DPY19L4: variants seen among roughly 807,000 people sequenced by gnomAD.
The protein encoded by DPY19L4 is dpy-19 like 4.
A neutral mutation model predicts 102.8 loss-of-function variants in DPY19L4; 97 were observed. The ratio of observed to expected loss-of-function variants is 0.94; its 90% CI spans 0.80 to 1.12. The LOEUF (loss-of-function observed/expected upper bound fraction) is 1.12, where lower values mean the gene tolerates loss of function less well. Ranked by LOEUF, DPY19L4 falls within the 50% of genes most tolerant of loss-of-function variation. DPY19L4 has a pLI of 0.00. For missense variants in DPY19L4, 815 were observed against 850.4 expected (o/e 0.96, Z 0.52); for synonymous variants, 252 against 283.1 (o/e 0.89, Z 1.10).
chr8:94,731,884 C>T (rs1810973149), intron 2 of DPY19L4, among the ~76,000 whole-genome samples: 1 of 152,190 alleles, frequency 6.6e-6, no homozygotes. Context: ...TCTCCCGCCT[C>T]AGCCTCCCGA....
rs747982966 is a variant in DPY19L4 at position 94,768,605 on chromosome 8, A to G, written c.1334+52A>G. Reference sequence around the variant, plus strand: ...TTACTAACATAAATTATGGAAATATATAAAATACTTATTTTTAATATTCTT... The same window carrying G: ...TTACTAACATAAATTATGGAAATATGTAAAATACTTATTTTTAATATTCTT... On this transcript the variant is annotated intron_variant, in intron 12 of 18. Coordinates refer to ENST00000414645, the MANE Select transcript of DPY19L4 (RefSeq NM_181787.3). 9 of 1,035,242 alleles carry G rather than the reference A, an allele frequency of 8.7e-6. No homozygotes were observed. The Admixed American group carries it at 1.8e-4, about 20-fold the overall frequency. The allele number at this position is 1,035,242 out of a possible 1,614,324, so 64.1% of individuals were successfully genotyped here. A position where few individuals can be genotyped will look rare whatever the true frequency, so the allele number is the denominator to read the frequency against.
chr8:94,750,752 A>G (rs1037420326), intron 6 of DPY19L4, among the ~76,000 whole-genome samples: 27 of 152,042 alleles, frequency 1.8e-4, no homozygotes, highest in African/African-American at 6.0e-4. Flanking sequence ...CACAATCAAT[A>G]TAATAAACAT....
chr8:94,727,648 C>CAG (rs1231088919), intron 2 of DPY19L4, among the ~76,000 whole-genome samples: 2 of 152,210 alleles, frequency 1.3e-5, no homozygotes, highest in Non-Finnish European at 2.9e-5. Flanking sequence ...TCCACTCCAA[C>CAG]AGAGTCACAC....
chr8:94,763,584 G>A (rs1342976157), intron 8 of DPY19L4, among the ~76,000 whole-genome samples: 5 of 149,712 alleles, frequency 3.3e-5, no homozygotes, highest in Non-Finnish European at 4.4e-5. Flanking sequence ...GCAGTGGTGC[G>A]ATCTCAGCTC....
chr8:94,766,231 T>A (rs1812665756), intron 10 of DPY19L4, among the ~76,000 whole-genome samples: 1 of 152,134 alleles, frequency 6.6e-6, no homozygotes, highest in African/African-American at 2.4e-5. Context: ...AAAAATTAGC[T>A]GGGCGTGGTG....
intron 10 of DPY19L4, 33 bp downstream of exon 10, chr8:94,765,842 CAA>C (rs769596865): frequency 1.1e-5 from 14 of 1,267,908 alleles, no homozygotes; most frequent in South Asian, 2.6e-5. Context: ...TATAGTAAAA[CAA>C]AATGAATAAT....
chr8:94,761,950 A>G, intron 8 of DPY19L4, 116 bp downstream of exon 8: 1 of 1,051,194 alleles, frequency 9.5e-7, no homozygotes, highest in Non-Finnish European at 1.3e-6. Context: ...CGATGCATAC[A>G]ATATTTAAGT....
intron 7 of DPY19L4, among the ~76,000 whole-genome samples, chr8:94,758,367 A>G (rs1223662280): frequency 6.6e-6 from 1 of 152,170 alleles, no homozygotes; most frequent in African/African-American, 2.4e-5. Context: ...TTCAGATTTC[A>G]CCAGGTTTTA....
chr8:94,726,802 A>G (rs1008126712), intron 2 of DPY19L4, among the ~76,000 whole-genome samples: 18 of 152,206 alleles, frequency 1.2e-4, no homozygotes, highest in African/African-American at 4.3e-4. Flanking sequence ...TGGCCAAAGC[A>G]AGTCATATAA....
intron 14 of DPY19L4, 51 bp from the exon 15 acceptor site, chr8:94,780,308 G>T (rs545331661): frequency 1.4e-5 from 18 of 1,326,036 alleles, no homozygotes; most frequent in Non-Finnish European, 1.8e-5. Context: ...TACCTCTAAC[G>T]TGTGTTCTGA....
At chr8:94,720,691 T>C (rs112153022) in intron 1 of DPY19L4, among the ~76,000 whole-genome samples, 170 of 152,286 alleles carry the variant, frequency 1.1e-3, no homozygotes, top group African/African-American at 3.4e-3. Context: ...CTAAGATAAG[T>C]AATTCATTCA....
At chr8:94,775,262 C>T (rs1334504451) in intron 13 of DPY19L4, among the ~76,000 whole-genome samples, 1 of 152,000 alleles carries the variant, frequency 6.6e-6, no homozygotes, top group Admixed American at 6.6e-5. Flanking sequence ...ACCTCCACCT[C>T]CCAGGTTCAA....
In DPY19L4 at chr8:94,761,807, T is replaced by C. The variant is rs1423624806; in HGVS notation, c.843T>C (p.Asp281=). 6.2e-7 allele frequency: 1 copy of C among 1,609,990 alleles called. No homozygotes were observed. Among genetic ancestry groups the C allele is most frequent in the South Asian group, 1.1e-5 (1 of 89,728 alleles). The change falls in exon 8 of 19, where the codon GAT becomes GAC. Residue 281 remains aspartate, a synonymous_variant. Coordinates refer to ENST00000414645, the MANE Select transcript of DPY19L4 (RefSeq NM_181787.3). ...AAGCAATATCTCTATTCCTGCTAGATACCTTTTCAGTGGAGCAAAGTGACA... is the reference window on the plus strand; with the variant it reads ...AAGCAATATCTCTATTCCTGCTAGACACCTTTTCAGTGGAGCAAAGTGACA... The part of the protein sequence containing the change: ...FLQAISLFLL[D]TFSVEQSDKV...
chr8:94,768,432 C>G lies in DPY19L4; in HGVS notation c.1213C>G (p.Leu405Val). 1 of 1,609,388 alleles carries G rather than the reference C, an allele frequency of 6.2e-7. No individual in the cohort carries two copies. The highest frequency in any genetic ancestry group is 8.5e-7 in the Non-Finnish European group (1 of 1,178,728). The change falls in exon 12 of 19, where the codon CTG becomes GTG. Residue 405 changes from leucine (L) to valine (V), a missense_variant. Coordinates refer to ENST00000414645, the MANE Select transcript of DPY19L4 (RefSeq NM_181787.3). ...TMNWLLCQES[L>V]QAPSQDFFLR... Reference sequence around the variant, plus strand: ...GAATTGGCTCCTCTGTCAAGAATCCCTGCAGGCACCATCTCAAGATTTTTT... The same window carrying G: ...GAATTGGCTCCTCTGTCAAGAATCCGTGCAGGCACCATCTCAAGATTTTTT...
intron 2 of DPY19L4, among the ~76,000 whole-genome samples, chr8:94,733,909 A>C (rs574616275): frequency 3.3e-5 from 5 of 151,980 alleles, no homozygotes; most frequent in African/African-American, 1.2e-4. Flanking sequence ...CCTGTATTAC[A>C]CTCTCCCACA....
chr8:94,741,630 T>C (rs1454073921), intron 6 of DPY19L4, among the ~76,000 whole-genome samples: 2 of 152,242 alleles, frequency 1.3e-5, no homozygotes, highest in East Asian at 1.9e-4. Flanking sequence ...TGGATTTTTA[T>C]TGATTCAGTG....
chr8:94,743,702 T>C (rs1320093465), intron 6 of DPY19L4, among the ~76,000 whole-genome samples: 1 of 151,964 alleles, frequency 6.6e-6, no homozygotes, highest in African/African-American at 2.4e-5. Flanking sequence ...AAATATAGAC[T>C]TTCTAAAAGG....
chr8:94,772,699 A>C (rs1326841619), intron 13 of DPY19L4, among the ~76,000 whole-genome samples: 1 of 152,252 alleles, frequency 6.6e-6, no homozygotes, highest in Non-Finnish European at 1.5e-5. Flanking sequence ...AGCCCTTCAC[A>C]GGTTGAACTG....
At chr8:94,788,083 GTATATATA>G in intron 18 of DPY19L4, 31 bp downstream of exon 18, 1 of 1,010,944 alleles carries the variant, frequency 9.9e-7, no homozygotes, top group Non-Finnish European at 1.3e-6. Context: ...TTATATATAT[GTATATATA>G]TATATTTTTT....
Sources: allele counts gnomAD v4.1 joint callset (sites outside exome capture counted in the v4.1 genomes callset), GRCh38; gene constraint gnomAD v4.1.1; transcripts MANE v1.5; gene names NCBI Gene and HGNC (gene_info 2026-07-23, HGNC 2026-07-21).